The following ZCCHC8 variants were observed in gnomAD, a reference collection of about 807,000 sequenced individuals.
ZCCHC8 encodes zinc finger CCHC domain-containing protein 8.
ZCCHC8 carries 27 observed loss-of-function variants against 70.6 expected under a neutral mutation model. The ratio of observed to expected loss-of-function variants is 0.38; its 90% CI spans 0.28 to 0.53. The LOEUF is 0.53. ZCCHC8 is among the 20% of genes least tolerant of loss of function. The probability of loss-of-function intolerance (pLI) is 0.81; values close to 1 mark genes in which losing one functional copy is unlikely to be tolerated. For synonymous variants in ZCCHC8, 293 were observed against 317.4 expected (o/e 0.92, Z 0.82); for missense variants, 737 against 876.9 (o/e 0.84, Z 2.01).
chr12:122,487,216 C>G (rs894955079), intron 5 of ZCCHC8, among the ~76,000 whole-genome samples: 3 of 152,224 alleles, frequency 2.0e-5, no homozygotes, highest in Admixed American at 1.3e-4. Flanking sequence ...ACTACCTTCC[C>G]TGACTACAAT....
In ZCCHC8 at chr12:122,474,018, C is replaced by T. The variant is rs753378950; in HGVS notation, c.1603G>A (p.Glu535Lys). The change falls in exon 14 of 14, where the codon GAG (glutamate) becomes AAG (lysine). Residue 535 changes from glutamate (E) to lysine (K), a missense_variant. Transcript: ENST00000633063. Reference sequence around the variant, plus strand: ...ACGTCGGAGTCGCTGTTTACGCTCTCGGCCTGCTCAAGAGCTGCCCAGATC... The same window carrying T: ...ACGTCGGAGTCGCTGTTTACGCTCTTGGCCTGCTCAAGAGCTGCCCAGATC... ...RRIWAALEQA[E>K]SVNSDSDVPV... 3.9e-6 allele frequency: 6 copies of T among 1,553,870 alleles called. No homozygotes were observed. Among genetic ancestry groups the T allele is most frequent in the Middle Eastern group, 1.7e-4 (1 of 5,736 alleles).
rs763378705 is a variant in ZCCHC8 at position 122,474,004 on chromosome 12, G to T, written c.1617C>A (p.Ser539Arg). Residue 539 changes from serine to arginine, a missense_variant, in exon 14 of 14, where the codon AGC becomes AGA. Physicochemically the swap from Ser to Arg is moderately radical, Grantham distance 110. Coordinates refer to ENST00000633063, the MANE Select transcript of ZCCHC8 (RefSeq NM_017612.5). The stretch of plus-strand genomic sequence containing the variant: ...GTGTGTCCACAGGAACGTCGGAGTC[G>T]CTGTTTACGCTCTCGGCCTGCTCAA... ...AALEQAESVN[S>R]DSDVPVDTPL... is the part of the protein sequence containing the mutation. 6.4e-7 allele frequency: 1 copy of T among 1,566,564 alleles called. No individual in the cohort carries two copies.
intron 4 of ZCCHC8, 139 bp downstream of exon 4, chr12:122,490,323 G>A (rs546719216): frequency 1.0e-5 from 7 of 686,348 alleles, no homozygotes; most frequent in South Asian, 1.9e-5. Flanking sequence ...GTCAGGCTTC[G>A]GAAAAGCAAG....
Position 122,500,808 on chromosome 12 carries a change from C to A in ZCCHC8, c.33G>T (p.Glu11Asp). ...CTGGGTGGTCGAACGGCTCGAAGAG[C>A]TCTAGATCGCCAAAATACACCTCTG... MAAEVYFGDLELFEPFDHPEE... is the reference protein window; with the variant it reads MAAEVYFGDLDLFEPFDHPEE... The change falls in exon 1 of 14, where the codon GAG (glutamate) becomes GAT (aspartate). Residue 11 changes from glutamate to aspartate, a missense_variant. By Grantham distance (45) the Glu-to-Asp change is conservative. Coordinates refer to ENST00000633063, the MANE Select transcript of ZCCHC8 (RefSeq NM_017612.5). The surrounding 1 kb of genome is among the most constrained non-coding windows in gnomAD (Gnocchi z 4.8). The A allele has an allele frequency of 6.3e-7, 1 of 1,578,750 alleles. No individual in the cohort carries two copies. Among genetic ancestry groups the A allele is most frequent in the South Asian group, 1.2e-5 (1 of 86,108 alleles).
Position 122,477,953 on chromosome 12 carries a change from A to C in ZCCHC8, c.1233T>G (p.Gly411=). 1 of 1,612,104 alleles carries C rather than the reference A, an allele frequency of 6.2e-7. No individual in the cohort carries two copies. Among genetic ancestry groups the C allele is most frequent in the Non-Finnish European group, 8.5e-7 (1 of 1,178,140 alleles). Residue 411 remains glycine (G), a synonymous_variant, in exon 13 of 14, where the codon GGT becomes GGG. Coordinates refer to ENST00000633063, the MANE Select transcript of ZCCHC8 (RefSeq NM_017612.5). The part of the protein sequence containing the change: ...NYLTSNFQAP[G]VKSGNKRSSS... ...AAGACCTCTTGTTGCCAGACTTCAC[A>C]CCTGGCTAAAAGAGCAACCAGACCA...
At chr12:122,489,518 A>C in intron 4 of ZCCHC8, 55 bp from the exon 5 acceptor site, 1 of 1,468,172 alleles carries the variant, frequency 6.8e-7, no homozygotes, top group Non-Finnish European at 9.5e-7. Context: ...AACCAGTTTA[A>C]ATGGAAGTTA....
chr12:122,477,129 C>T (rs1032565407), intron 13 of ZCCHC8, among the ~76,000 whole-genome samples: 3 of 151,710 alleles, frequency 2.0e-5, no homozygotes, highest in Non-Finnish European at 2.9e-5. Context: ...GCTTTAATCC[C>T]TTTGAACTTT....
At chr12:122,480,446 T>A in intron 10 of ZCCHC8, 135 bp from the exon 11 acceptor site, 1 of 726,596 alleles carries the variant, frequency 1.4e-6, no homozygotes, top group Non-Finnish European at 2.0e-6. Context: ...ATTTTCATTA[T>A]AATTTTTCTA....
Position 122,498,861 on chromosome 12 carries a change from G to A in ZCCHC8, c.208C>T (p.Leu70Phe), listed in dbSNP as rs1334870292. Residue 70 changes from leucine (L) to phenylalanine (F), a missense_variant, in exon 2 of 14, where the codon CTT becomes TTT. Transcript: ENST00000633063. ...GTCAGAATGTTCAATTTTCGTTTAA[G>A]TTCTTGATGTTATTATTTGTTAAGG... ...IEQLRAENQE[L>F]KRKLNILTRP... The A allele has an allele frequency of 1.9e-6, 3 of 1,613,210 alleles. No homozygotes were observed. Among genetic ancestry groups the A allele is most frequent in the Admixed American group, 1.7e-5 (1 of 59,982 alleles).
intron 1 of ZCCHC8, chr12:122,499,364 G>A (rs547912129): frequency 1.3e-5 from 2 of 155,354 alleles, no homozygotes; most frequent in East Asian, 3.8e-4. Context: ...CGCCTCCCAG[G>A]TTCAAGGGAT....
intron 11 of ZCCHC8, among the ~76,000 whole-genome samples, chr12:122,479,283 C>T (rs1957483747): frequency 6.6e-6 from 1 of 152,276 alleles, no homozygotes; most frequent in Admixed American, 6.5e-5. Context: ...GCCATGTTGG[C>T]CAGGCTGGTC....
At position 122,483,903 on chromosome 12, in the gene ZCCHC8, T is replaced by C. The variant is rs12817342; in HGVS notation, c.502-340A>G. On this transcript the variant is annotated intron_variant, in intron 5 of 13. Transcript: ENST00000633063. This position sits in a 1 kb window ranked among gnomAD's most constrained non-coding sequence, Gnocchi z 4.4. ...GCAAGACATGCAGACCCTTTAGTTA[T>C]TGTTTCCATTTCCTTTCTTCCCATT... 69,706 of 190,846 alleles carry C rather than the reference T, an allele frequency of 0.37. 15,012 individuals carry two copies. The highest frequency in any genetic ancestry group is 0.45 in the Non-Finnish European group (41,443 of 92,946). The allele number at this position is 190,846 out of a possible 1,614,324, so 11.8% of individuals were successfully genotyped here.
intron 4 of ZCCHC8, 56 bp downstream of exon 4, chr12:122,490,406 A>G: frequency 3.8e-6 from 5 of 1,325,770 alleles, no homozygotes; most frequent in Non-Finnish European, 5.4e-6. Flanking sequence ...GTGGCCCAAT[A>G]ATTGGCAGTG....
At position 122,478,200 on chromosome 12, in the gene ZCCHC8, A is replaced by T. The variant is rs1193644272; in HGVS notation, c.1227+6T>A. 1 of 1,583,376 alleles carries T rather than the reference A, an allele frequency of 6.3e-7. No homozygotes were observed. The highest frequency in any genetic ancestry group is 8.6e-7 in the Non-Finnish European group (1 of 1,162,350). On this transcript the variant is annotated splice_donor_region_variant and intron_variant, in intron 12 of 13. Coordinates refer to ENST00000633063, the MANE Select transcript of ZCCHC8 (RefSeq NM_017612.5). The stretch of plus-strand genomic sequence containing the variant: ...TTTATAGAGCACACCCTTAAAATCT[A>T]TTTACCGCTTGGAAGTTAGAAGTAA...
At chr12:122,490,133 A>G (rs1957719588) in intron 4 of ZCCHC8, among the ~76,000 whole-genome samples, 1 of 152,136 alleles carries the variant, frequency 6.6e-6, no homozygotes, top group South Asian at 2.1e-4. Flanking sequence ...AAGTAGAGGG[A>G]AAAAAGGATA....
chr12:122,477,224 G>A (rs1262763216), intron 13 of ZCCHC8, among the ~76,000 whole-genome samples: 8 of 145,938 alleles, frequency 5.5e-5, no homozygotes, highest in Admixed American at 1.4e-4. Context: ...GCGTGATCTC[G>A]GCTCACTGCA....
At position 122,471,708 on chromosome 12, in the gene ZCCHC8, ATT is replaced by A. The variant is rs1240326516; in HGVS notation, c.*1787_*1788del. 1 of 152,218 alleles carries A rather than the reference ATT, an allele frequency of 6.6e-6. No individual in the cohort carries two copies. The highest frequency in any genetic ancestry group is 6.5e-5 in the Admixed American group (1 of 15,270). The allele number at this position is 152,218 out of a possible 1,614,324, so 9.4% of individuals were successfully genotyped here. ...CATTCTGTGAGGGCTTTAAAAAGAAATTTCTCTCTTTATAATTTTCCTTTCCT... is the reference window on the plus strand; with the variant it reads ...CATTCTGTGAGGGCTTTAAAAAGAAATCTCTCTTTATAATTTTCCTTTCCT... On this transcript the variant is annotated 3_prime_UTR_variant, in exon 14 of 14. Coordinates refer to ENST00000633063, the MANE Select transcript of ZCCHC8 (RefSeq NM_017612.5).
chr12:122,488,392 C>CT (rs1957681289), intron 5 of ZCCHC8, among the ~76,000 whole-genome samples: 2 of 151,962 alleles, frequency 1.3e-5, no homozygotes, highest in Non-Finnish European at 2.9e-5. Context: ...GTTGCCCAGG[C>CT]TAGTCTGGAA....
intron 13 of ZCCHC8, among the ~76,000 whole-genome samples, chr12:122,477,506 C>T (rs1238691949): frequency 4.3e-5 from 6 of 138,662 alleles, no homozygotes; most frequent in African/African-American, 1.0e-4. Context: ...AGACAGGGGC[C>T]GGGCACGGTG....
Sources: allele counts gnomAD v4.1 joint callset (sites outside exome capture counted in the v4.1 genomes callset), GRCh38; gene constraint gnomAD v4.1.1; non-coding constraint Gnocchi (gnomAD v3.1); transcripts MANE v1.5; gene names NCBI Gene and HGNC (gene_info 2026-07-23, HGNC 2026-07-21).